The following HIPK2 variants were observed in gnomAD, a reference collection of about 807,000 sequenced individuals.
HIPK2 encodes homeodomain interacting protein kinase 2, also known as homeodomain-interacting protein kinase 2.
In HIPK2, 27 loss-of-function variants were observed where a neutral mutation model predicts 113.7. The observed-to-expected ratio is 0.24, with a 90% CI of 0.17 to 0.33. The LOEUF is 0.33. HIPK2 is among the 10% of genes least tolerant of loss of function. The pLI, the probability that HIPK2 is intolerant of heterozygous loss-of-function variation, is 1.00. For synonymous variants in HIPK2, 631 were observed against 642.2 expected (o/e 0.98, Z 0.26); for missense variants, 1,257 against 1,588.0 (o/e 0.79, Z 3.54).
At chr7:139,664,328 A>G (rs1288547456) in intron 2 of HIPK2, among the ~76,000 whole-genome samples, 2 of 152,144 alleles carry the variant, frequency 1.3e-5, no homozygotes, top group African/African-American at 2.4e-5. Flanking sequence ...ACCTGAGGTC[A>G]GGAGTTCGAG....
chr7:139,726,497 G>A (rs1177206301), intron 1 of HIPK2, among the ~76,000 whole-genome samples: 1 of 152,158 alleles, frequency 6.6e-6, no homozygotes, highest in African/African-American at 2.4e-5. Flanking sequence ...TGGGGGAGGG[G>A]AGAATAGAAT....
rs1321609551 is a variant in HIPK2 at position 139,629,026 on chromosome 7, T to C, written c.1361A>G (p.His454Arg). ...PLWRLKTPDD[H>R]EAETGIKSKE... ...TGACTTAATCCCTGTCTCTGCTTCA[T>C]GGTCATCTGGTGTCTGTCAAGAGAG... The change falls in exon 5 of 15, where the codon CAT (histidine) becomes CGT (arginine). Residue 454 changes from histidine (H) to arginine (R), a missense_variant. This residue lies in a region of HIPK2 where 862 missense variants were observed against 1,004.3 expected (regional missense o/e 0.86). Transcript: ENST00000406875. The C allele has an allele frequency of 9.4e-6, 15 of 1,589,988 alleles. No homozygotes were observed. The highest frequency in any genetic ancestry group is 1.3e-5 in the Non-Finnish European group (15 of 1,166,142).
intron 2 of HIPK2, among the ~76,000 whole-genome samples, chr7:139,632,629 G>A (rs377153415): frequency 5.9e-5 from 9 of 152,224 alleles, no homozygotes; most frequent in African/African-American, 1.9e-4. Context: ...TAAACCCCAA[G>A]AGAACATTTC....
intron 10 of HIPK2, among the ~76,000 whole-genome samples, chr7:139,602,200 G>A (rs914899148): frequency 6.6e-6 from 1 of 152,114 alleles, no homozygotes; most frequent in Non-Finnish European, 1.5e-5. Context: ...TGATCTGCCT[G>A]CCTTGGCTTC....
chr7:139,777,132 C>T (rs919967905), intron 1 of HIPK2: 1 of 152,154 alleles, frequency 6.6e-6, no homozygotes, highest in Non-Finnish European at 1.5e-5. Context: ...ATTCCACAGC[C>T]CCCCCAAAAT....
chr7:139,743,095 G>A (rs73735608), intron 1 of HIPK2, among the ~76,000 whole-genome samples: 3,339 of 152,294 alleles, frequency 0.022, 124 homozygotes, highest in African/African-American at 0.077. Flanking sequence ...TTCCCCAGGT[G>A]TGCAGGAAGA....
intron 2 of HIPK2, among the ~76,000 whole-genome samples, chr7:139,678,616 G>A (rs921420956): frequency 3.3e-5 from 5 of 152,098 alleles, no homozygotes; most frequent in Admixed American, 6.6e-5. Flanking sequence ...GCATGATGCC[G>A]CTAGCTTTGT....
chr7:139,741,026 C>T (rs892280869), intron 1 of HIPK2, among the ~76,000 whole-genome samples: 2 of 152,050 alleles, frequency 1.3e-5, no homozygotes, highest in Admixed American at 6.5e-5. Flanking sequence ...AGGTGCCTGT[C>T]GTCCCAGCTA....
At chr7:139,646,183 C>T (rs1801214549) in intron 2 of HIPK2, among the ~76,000 whole-genome samples, 2 of 152,088 alleles carry the variant, frequency 1.3e-5, no homozygotes. Context: ...GGGACGCGAC[C>T]CACTGGGTAA....
At chr7:139,745,122 G>A (rs530171877) in intron 1 of HIPK2, among the ~76,000 whole-genome samples, 24 of 152,306 alleles carry the variant, frequency 1.6e-4, no homozygotes, top group East Asian at 1.9e-4. Context: ...GAGTTCACCC[G>A]GTTGGGGCAT....
At position 139,741,477 on chromosome 7, in the gene HIPK2, T is replaced by C. The variant is rs114658812; in HGVS notation, c.20-24462A>G. Reference sequence around the variant, plus strand: ...GGCATTATTTTTGTTTTTGAAGATATTGTATTTCAAAAGCAAACTGCTACA... The same window carrying C: ...GGCATTATTTTTGTTTTTGAAGATACTGTATTTCAAAAGCAAACTGCTACA... On this transcript the variant is annotated intron_variant, in intron 1 of 14. Transcript: ENST00000406875. 3.3e-3 allele frequency among the ~76,000 whole-genome samples: 502 copies of C among 151,926 alleles called. 6 individuals are homozygous for C. The highest frequency in any genetic ancestry group is 0.012 in the African/African-American group (474 of 41,210).
At chr7:139,699,566 G>A (rs1794651462) in intron 2 of HIPK2, among the ~76,000 whole-genome samples, 1 of 152,152 alleles carries the variant, frequency 6.6e-6, no homozygotes, top group South Asian at 2.1e-4. Context: ...AGCCCCTCAG[G>A]TACACCCTGC....
intron 2 of HIPK2, among the ~76,000 whole-genome samples, chr7:139,666,178 A>C (rs1802043767): frequency 6.6e-6 from 1 of 152,170 alleles, no homozygotes; most frequent in Admixed American, 6.5e-5. Context: ...AGTGTACTGA[A>C]GAGCAATGTT....
Position 139,684,557 on chromosome 7 carries a change from CAA to C in HIPK2, c.1103+31373_1103+31374del, listed in dbSNP as rs566051719. 2.7e-3 allele frequency among the ~76,000 whole-genome samples: 408 copies of C among 152,184 alleles called. 2 individuals carry two copies. Among genetic ancestry groups the C allele is most frequent in the East Asian group, 1.2e-3 (6 of 5,174 alleles). On this transcript the variant is annotated intron_variant, in intron 2 of 14. Coordinates refer to ENST00000406875, the MANE Select transcript of HIPK2 (RefSeq NM_022740.5). ...CACAGTGAGACCCTATCTCTACAAA[CAA>C]AATATTTTAAAAAATTAGCTGGACA...
intron 2 of HIPK2, among the ~76,000 whole-genome samples, chr7:139,710,020 G>T (rs1795015620): frequency 6.6e-6 from 1 of 152,142 alleles, no homozygotes; most frequent in Non-Finnish European, 1.5e-5. Context: ...TCATTCCTGA[G>T]TAACAACAGT....
intron 1 of HIPK2, among the ~76,000 whole-genome samples, chr7:139,759,270 A>G (rs1569485371): frequency 6.6e-6 from 1 of 152,228 alleles, no homozygotes; most frequent in African/African-American, 2.4e-5. Flanking sequence ...CAAAAATCCA[A>G]AAGTTTGACA....
At chr7:139,668,350 A>G (rs1802131381) in intron 2 of HIPK2, among the ~76,000 whole-genome samples, 1 of 152,146 alleles carries the variant, frequency 6.6e-6, no homozygotes, top group South Asian at 2.1e-4. Flanking sequence ...TCACGAGGTC[A>G]GGAGATCAAG....
intron 2 of HIPK2, among the ~76,000 whole-genome samples, chr7:139,655,074 T>TG (rs36040300): frequency 3.9e-5 from 6 of 152,196 alleles, no homozygotes; most frequent in Admixed American, 2.0e-4. Context: ...GCTCTGACTG[T>TG]GGGGGGAATT....
chr7:139,651,937 C>A (rs568551182), intron 2 of HIPK2, among the ~76,000 whole-genome samples: 1 of 152,310 alleles, frequency 6.6e-6, no homozygotes, highest in African/African-American at 2.4e-5. Context: ...CTTTGCTGAT[C>A]TGGCTTTCTA....
Sources: gnomAD v4.1 joint callset for allele counts (sites outside exome capture counted in the v4.1 genomes callset) on GRCh38, gnomAD v4.1.1 for gene constraint, gnomAD v4.1.1 regional missense constraint, MANE v1.5 for transcripts, NCBI Gene and HGNC (gene_info 2026-07-23, HGNC 2026-07-21) for gene names.